PRKCI: variants seen among roughly 807,000 people sequenced by gnomAD.
PRKCI encodes protein kinase C iota, also known as protein kinase C iota type.
A neutral mutation model predicts 84.0 loss-of-function variants in PRKCI; 43 were observed. The observed-to-expected ratio is 0.51, with a 90% CI of 0.40 to 0.66. PRKCI has a LOEUF of 0.66. PRKCI is among the 30% of genes least tolerant of loss of function. PRKCI has a pLI of 0.00. For missense variants in PRKCI, 459 were observed against 745.6 expected (o/e 0.62, Z 4.48); for synonymous variants, 216 against 234.4 (o/e 0.92, Z 0.72).
intron 11 of PRKCI, among the ~76,000 whole-genome samples, chr3:170,283,026 G>GCCCGGGAGGCGGA (rs542829664): frequency 0.015 from 2,318 of 150,766 alleles, 23 homozygotes; most frequent in Non-Finnish European, 0.024. Context: ...AATCGCTTGA[G>GCCCGGGAGGCGGA]CCCGGGAGGC....
At chr3:170,257,824 C>G (rs1171442537) in intron 2 of PRKCI, among the ~76,000 whole-genome samples, 1 of 151,878 alleles carries the variant, frequency 6.6e-6, no homozygotes, top group African/African-American at 2.4e-5. Flanking sequence ...GCCACCACGC[C>G]CAGCTAATTT....
chr3:170,249,925 G>A (rs74437152), intron 2 of PRKCI, among the ~76,000 whole-genome samples: 3,161 of 151,906 alleles, frequency 0.021, 52 homozygotes, highest in East Asian at 0.086. Context: ...AAACAGATTT[G>A]TAAACTTTGC....
chr3:170,223,489 T>C (rs1233084874), intron 1 of PRKCI, among the ~76,000 whole-genome samples: 1 of 152,156 alleles, frequency 6.6e-6, no homozygotes, highest in East Asian at 1.9e-4. Flanking sequence ...AGTTACAGTT[T>C]TAAATTCTCT....
At chr3:170,285,616 T>C (rs1305310495) in intron 12 of PRKCI, among the ~76,000 whole-genome samples, 2 of 152,204 alleles carry the variant, frequency 1.3e-5, no homozygotes, top group East Asian at 1.9e-4. Flanking sequence ...GACAACCTAG[T>C]TGTATCGAAG....
intron 7 of PRKCI, among the ~76,000 whole-genome samples, chr3:170,274,315 G>A (rs1329486611): frequency 2.0e-5 from 3 of 152,090 alleles, no homozygotes; most frequent in Non-Finnish European, 4.4e-5. Context: ...TGTATTTTTA[G>A]TAGAGATGGG....
intron 12 of PRKCI, among the ~76,000 whole-genome samples, chr3:170,289,318 C>T (rs555971262): frequency 6.6e-6 from 1 of 152,266 alleles, no homozygotes; most frequent in East Asian, 1.9e-4. Flanking sequence ...TTCTTGGAGT[C>T]ACAACATATT....
chr3:170,236,714 C>T (rs1732985183), intron 2 of PRKCI, among the ~76,000 whole-genome samples: 1 of 151,598 alleles, frequency 6.6e-6, no homozygotes, highest in Non-Finnish European at 1.5e-5. Context: ...GTTTTTAAAA[C>T]TTATCTGGTG....
At chr3:170,240,511 C>T (rs1271436787) in intron 2 of PRKCI, among the ~76,000 whole-genome samples, 3 of 152,168 alleles carry the variant, frequency 2.0e-5, no homozygotes, top group African/African-American at 7.2e-5. Context: ...TGCGATCCTT[C>T]TCACCTTGCT....
chr3:170,222,712 G>C lies in PRKCI; in HGVS notation c.43G>C (p.Ala15Pro). 1 of 1,610,200 alleles carries C rather than the reference G, an allele frequency of 6.2e-7. No individual in the cohort carries two copies. The highest frequency in any genetic ancestry group is 8.5e-7 in the Non-Finnish European group (1 of 1,178,964). ...RDSSTMSHTV[A>P]GGGSGDHSHQ... is the part of the protein sequence containing the mutation. ...CAGCAGCACCATGTCCCACACGGTC[G>C]CAGGCGGCGGCAGCGGGGACCATTC... is the stretch of plus-strand genomic sequence containing the variant. The change falls in exon 1 of 18, where the codon GCA becomes CCA. Residue 15 changes from alanine (A) to proline (P), a missense_variant. By Grantham distance (27) the Ala-to-Pro change is conservative. Transcript: ENST00000295797.
intron 11 of PRKCI, 107 bp from the exon 12 acceptor site, chr3:170,284,354 C>A: frequency 2.0e-6 from 2 of 987,748 alleles, no homozygotes; most frequent in Admixed American, 3.1e-5. Flanking sequence ...TTCCTAAAAT[C>A]ACTGGGAGAA....
At chr3:170,289,857 A>G (rs549559156) in intron 12 of PRKCI, among the ~76,000 whole-genome samples, 1 of 152,214 alleles carries the variant, frequency 6.6e-6, no homozygotes, top group East Asian at 1.9e-4. Flanking sequence ...GGTTGCAGTG[A>G]GCCGAGATCG....
At chr3:170,228,616 TAC>T (rs36006947) in intron 1 of PRKCI, among the ~76,000 whole-genome samples, 24,581 of 147,156 alleles carry the variant, frequency 0.17, 2,065 homozygotes, top group Admixed American at 0.23. Flanking sequence ...TATATATATA[TAC>T]ACACACACAC....
chr3:170,222,590 C>T lies in PRKCI; in HGVS notation c.-80C>T. The T allele has an allele frequency of 8.0e-7, 1 of 1,245,620 alleles. No homozygotes were observed. The highest frequency in any genetic ancestry group is 1.1e-6 in the Non-Finnish European group (1 of 915,948). The allele number at this position is 1,245,620 out of a possible 1,614,324, so 77.2% of individuals were successfully genotyped here. ...GACGGCCGCGGTTCTCCGGCAAGCG[C>T]AGGCGGCGGAGTCCCCCACGGCGCC... On this transcript the variant is annotated 5_prime_UTR_variant, in exon 1 of 18. Transcript: ENST00000295797.
rs1734893401 is a variant in PRKCI, at chr3:170,304,043, T to C, written c.*916T>C. On this transcript the variant is annotated 3_prime_UTR_variant, in exon 18 of 18. Transcript: ENST00000295797. ...TAAAAAAGACACTTTTTATTATGAA[T>C]CAGATTCCAAATCATTAACTATTTT... 6.5e-6 allele frequency: 1 copy of C among 153,358 alleles called. No individual in the cohort carries two copies. Among genetic ancestry groups the C allele is most frequent in the African/African-American group, 2.4e-5 (1 of 41,478 alleles). The allele number at this position is 153,358 out of a possible 1,614,324, so 9.5% of individuals were successfully genotyped here.
chr3:170,264,510 C>T (rs1028351204), intron 4 of PRKCI, among the ~76,000 whole-genome samples: 17 of 152,142 alleles, frequency 1.1e-4, no homozygotes, highest in African/African-American at 3.9e-4. Context: ...AACTACTGAC[C>T]TCAGGTGATC....
intron 2 of PRKCI, among the ~76,000 whole-genome samples, chr3:170,248,328 T>C (rs1182772494): frequency 6.6e-6 from 1 of 151,638 alleles, no homozygotes; most frequent in Non-Finnish European, 1.5e-5. Context: ...TTTTTGTAGG[T>C]AAAGAACAAC....
Position 170,260,724 on chromosome 3 carries a change from A to T in PRKCI, c.313+666A>T, listed in dbSNP as rs531769290. Among the ~76,000 whole-genome samples the T allele has an allele frequency of 7.2e-5, 11 of 152,266 alleles. No homozygotes were observed. The South Asian group carries it at 2.3e-3, about 32-fold the overall frequency. ...TGCCTTGGTCTCCCAAAGCACTGAGATTACAGGCATGAGCCACTGCACCAG... is the reference window on the plus strand; with the variant it reads ...TGCCTTGGTCTCCCAAAGCACTGAGTTTACAGGCATGAGCCACTGCACCAG... On this transcript the variant is annotated intron_variant, in intron 3 of 17. Transcript: ENST00000295797.
At chr3:170,250,536 C>T (rs1467194523) in intron 2 of PRKCI, among the ~76,000 whole-genome samples, 7 of 148,044 alleles carry the variant, frequency 4.7e-5, no homozygotes, top group African/African-American at 9.9e-5. Flanking sequence ...CACTAATCCA[C>T]GATATGTTTC....
intron 1 of PRKCI, among the ~76,000 whole-genome samples, chr3:170,224,921 G>A (rs1209246758): frequency 6.6e-6 from 1 of 152,150 alleles, no homozygotes; most frequent in Non-Finnish European, 1.5e-5. Context: ...ATTTGTATTA[G>A]TTTGACACAT....
Sources: allele counts gnomAD v4.1 joint callset (sites outside exome capture counted in the v4.1 genomes callset), GRCh38; gene constraint gnomAD v4.1.1; transcripts MANE v1.5; gene names NCBI Gene and HGNC (gene_info 2026-07-23, HGNC 2026-07-21).